Variants in SHANK1 observed in about 807,000 individuals in gnomAD.
SHANK1 encodes SH3 and multiple ankyrin repeat domains protein 1.
Under a neutral mutation model 165.6 loss-of-function variants are expected in SHANK1, and 35 were observed. The ratio of observed to expected loss-of-function variants is 0.21; its 90% confidence interval spans 0.16 to 0.28. The LOEUF (loss-of-function observed/expected upper bound fraction) is 0.28. Ranked by LOEUF, SHANK1 falls within the 10% of genes least tolerant of loss-of-function variation. The probability of loss-of-function intolerance (pLI) is 1.00; values close to 1 mark genes in which losing one functional copy is unlikely to be tolerated. For synonymous variants in SHANK1, 1,428 were observed against 1,384.8 expected, an observed-to-expected ratio of 1.03 and a Z score of -0.69; for missense variants, 2,681 against 3,036.4, an observed-to-expected ratio of 0.88 and a Z score of 2.75.
intron 8 of SHANK1, among the ~76,000 whole-genome samples, chr19:50,706,727 TAAAA>T (rs34942540): frequency 6.8e-6 from 1 of 148,102 alleles, no homozygotes; most frequent in Admixed American, 6.7e-5. Flanking sequence ...CCATCCTGTC[TAAAA>T]AAAAAACCCT....
intron 15 of SHANK1, among the ~76,000 whole-genome samples, chr19:50,695,086 C>CCCGCCG (rs768896742): frequency 9.6e-5 from 14 of 145,914 alleles, no homozygotes; most frequent in South Asian, 2.1e-4. Flanking sequence ...GCCGGCCGCC[C>CCCGCCG]CCGCCGCCGC....
intron 23 of SHANK1, among the ~76,000 whole-genome samples, chr19:50,663,358 C>T (rs73932548): frequency 0.025 from 3,745 of 152,106 alleles, 156 homozygotes; most frequent in African/African-American, 0.085. Flanking sequence ...TCATCCCTTT[C>T]GTTCCCTCCC....
Position 50,687,999 on chromosome 19 carries a change from T to G in SHANK1, c.2232A>C (p.Gln744His), listed in dbSNP as rs758601386. 6 of 1,613,992 alleles carry G rather than the reference T, an allele frequency of 3.7e-6. No individual in the cohort carries two copies. The highest frequency in any genetic ancestry group is 1.7e-5 in the Admixed American group (1 of 60,004). ...CCTTCACCATCAGCGTGTTGCCCCC[T>G]TGGCGGATCATGTTCACCACCTGTC... is the stretch of plus-strand genomic sequence containing the variant. ...GHRQVVNMIR[Q>H]GGNTLMVKVV... is the part of the protein sequence containing the mutation. Residue 744 changes from glutamine (Q) to histidine (H), a missense_variant, in exon 18 of 24, where the codon CAA becomes CAC. This residue lies in a region of SHANK1 where 147 missense variants were observed against 256.5 expected (regional missense o/e 0.57). Coordinates refer to ENST00000293441, the MANE Select transcript of SHANK1 (RefSeq NM_016148.5).
Position 50,669,255 on chromosome 19 carries a change from G to A in SHANK1, c.2705C>T (p.Ala902Val). 6.2e-7 allele frequency: 1 copy of A among 1,611,616 alleles called. No individual in the cohort carries two copies. Among genetic ancestry groups the A allele is most frequent in the African/African-American group, 1.3e-5 (1 of 74,842 alleles). ...GAAEDDRPYL[A>V]PPAMKFSRSL... ...GCGGCTGAATTTCATGGCTGGGGGT[G>A]CTAGGTAAGGTCTGTCATCTTCTGC... Residue 902 changes from alanine to valine, a missense_variant, in exon 23 of 24, where the codon GCA (alanine) becomes GTA (valine). This residue lies in a region of SHANK1 where 206 missense variants were observed against 216.0 expected (regional missense o/e 0.95). Coordinates refer to ENST00000293441, the MANE Select transcript of SHANK1 (RefSeq NM_016148.5).
rs1321141202 is a variant in SHANK1, at chr19:50,716,207, T to C, written c.459+68A>G. On this transcript the variant is annotated intron_variant, in intron 3 of 23. Transcript: ENST00000293441. This position sits in a 1 kb window ranked among gnomAD's most constrained non-coding sequence, Gnocchi z 8.4. The stretch of plus-strand genomic sequence containing the variant: ...TTAAGGTTTCGAGTGTGTTAAAAAG[T>C]GGGTGGGGGGCAGATGTGTTTTAGG... 1.4e-6 allele frequency: 2 copies of C among 1,456,096 alleles called. No homozygotes were observed. Among genetic ancestry groups the C allele is most frequent in the Non-Finnish European group, 1.9e-6 (2 of 1,042,626 alleles). 90.2% of individuals were successfully genotyped at this position (1,456,096 alleles called of 1,614,324 possible). A position where few individuals can be genotyped will look rare whatever the true frequency, so the allele number is the denominator to read the frequency against.
In SHANK1 at chr19:50,668,100, G is replaced by T; in HGVS notation, c.3860C>A (p.Ser1287Tyr). Reference sequence around the variant, plus strand: ...GGCGGAGAACATGCCCTCGTCGATGGATTTGGAGTGGCGCAGCCGCGGGCC... The same window carrying T: ...GGCGGAGAACATGCCCTCGTCGATGTATTTGGAGTGGCGCAGCCGCGGGCC... The part of the protein sequence containing the change: ...APGPRLRHSK[S>Y]IDEGMFSAEP... The change falls in exon 23 of 24, where the codon TCC becomes TAC. Residue 1287 changes from serine to tyrosine, a missense_variant. Transcript: ENST00000293441. The T allele has an allele frequency of 6.8e-7, 1 of 1,480,462 alleles. No individual in the cohort carries two copies. 91.7% of individuals were successfully genotyped at this position (1,480,462 alleles called of 1,614,324 possible). A position where few individuals can be genotyped will look rare whatever the true frequency, so the allele number is the denominator to read the frequency against.
At position 50,667,413 on chromosome 19, in the gene SHANK1, G is replaced by A. The variant is rs1243658794; in HGVS notation, c.4547C>T (p.Pro1516Leu). The A allele has an allele frequency of 1.3e-6, 2 of 1,518,054 alleles. No individual in the cohort carries two copies. The highest frequency in any genetic ancestry group is 1.8e-6 in the Non-Finnish European group (2 of 1,139,886). 94.0% of individuals were successfully genotyped at this position (1,518,054 alleles called of 1,614,324 possible). The change falls in exon 23 of 24, where the codon CCG becomes CTG. Residue 1516 changes from proline to leucine, a missense_variant. Around this residue, in one of 10 missense-constraint regions of SHANK1, gnomAD observed 1,713 missense variants for 1,630.2 expected, o/e 1.05. Transcript: ENST00000293441. This position sits in a 1 kb window ranked among gnomAD's most constrained non-coding sequence, Gnocchi z 5.7. ...GCGTGGGCTGGGCGGCGGGACCCCC[G>A]GCCCGTCCTCCGAGGGGGGACCCCT... ...SGRGPPSEDG[P>L]GVPPPSPRRS...
rs957727353 is a variant in SHANK1, at chr19:50,702,043, C to T, written c.1747+424G>A. 3.3e-5 allele frequency among the ~76,000 whole-genome samples: 5 copies of T among 152,210 alleles called. No homozygotes were observed. Among genetic ancestry groups the T allele is most frequent in the Admixed American group, 6.5e-5 (1 of 15,282 alleles). ...TGCAGGAGGCAAAGTTAAGGCTGCT[C>T]GGCCTCACGCTCTGCACCAGGTGGC... On this transcript the variant is annotated intron_variant, in intron 12 of 23. Coordinates refer to ENST00000293441, the MANE Select transcript of SHANK1 (RefSeq NM_016148.5). This position sits in a 1 kb window ranked among gnomAD's most constrained non-coding sequence, Gnocchi z 5.3.
Position 50,704,203 on chromosome 19 carries a change from GAGGCAGGTCGGCCAGGGGGGCCC to G in SHANK1, c.1156-40_1156-18del. The G allele has an allele frequency of 3.7e-6, 6 of 1,613,580 alleles. No homozygotes were observed. The highest frequency in any genetic ancestry group is 5.1e-6 in the Non-Finnish European group (6 of 1,179,762). ...CACTGCCACCTGGAGGGAGGGGGTA[GAGGCAGGTCGGCCAGGGGGGCCC>G]AGGCAGCAGAGAGAGGGCAGGGAAC... On this transcript the variant is annotated intron_variant, in intron 9 of 23. Transcript: ENST00000293441.
chr19:50,697,579 G>A lies in SHANK1; in HGVS notation c.1937+10C>T, dbSNP rs1357267141. On this transcript the variant is annotated intron_variant, in intron 14 of 23. Transcript: ENST00000293441. The surrounding 1 kb of genome is among the most constrained non-coding windows in gnomAD (Gnocchi z 4.7). Reference sequence around the variant, plus strand: ...TGAGGGGGGTTGCCCGAGGGTGTAAGGACATTTACCTTGGGGCATCAAAGC... The same window carrying A: ...TGAGGGGGGTTGCCCGAGGGTGTAAAGACATTTACCTTGGGGCATCAAAGC... 1 of 1,610,898 alleles carries A rather than the reference G, an allele frequency of 6.2e-7. No homozygotes were observed. The highest frequency in any genetic ancestry group is 1.7e-5 in the Admixed American group (1 of 60,018).
chr19:50,673,383 A>C (rs1985867681), intron 21 of SHANK1, among the ~76,000 whole-genome samples: 3 of 148,372 alleles, frequency 2.0e-5, no homozygotes, highest in East Asian at 2.0e-4. Context: ...CTCCACCCCC[A>C]CCTCTTCCTT....
intron 23 of SHANK1, chr19:50,663,114 G>C (rs1985335919): frequency 4.9e-6 from 1 of 205,022 alleles, no homozygotes; most frequent in Non-Finnish European, 9.9e-6. Flanking sequence ...CACACAGGAA[G>C]TGGCAGAGCC....
chr19:50,709,588 C>T (rs1161427198), intron 8 of SHANK1, among the ~76,000 whole-genome samples: 4 of 151,974 alleles, frequency 2.6e-5, no homozygotes, highest in Non-Finnish European at 5.9e-5. Flanking sequence ...CTCACTCTGT[C>T]ACCCAGGCTG....
At chr19:50,692,248 G>A (rs546618937) in intron 15 of SHANK1, among the ~76,000 whole-genome samples, 7 of 151,952 alleles carry the variant, frequency 4.6e-5, no homozygotes, top group East Asian at 3.9e-4. Context: ...AACACTTATC[G>A]AATTATTACT....
In SHANK1 at chr19:50,711,504, G is replaced by A; in HGVS notation, c.961-17C>T. On this transcript the variant is annotated splice_polypyrimidine_tract_variant and intron_variant, in intron 7 of 23. Transcript: ENST00000293441. The stretch of plus-strand genomic sequence containing the variant: ...CTGGCAGGCCTGGGCAGGACAGGGA[G>A]CGAGGGGCATGGATCAGACCCAGGC... 2 of 1,550,404 alleles carry A rather than the reference G, an allele frequency of 1.3e-6. No homozygotes were observed. Among genetic ancestry groups the A allele is most frequent in the Non-Finnish European group, 1.8e-6 (2 of 1,141,676 alleles).
intron 23 of SHANK1, among the ~76,000 whole-genome samples, chr19:50,665,208 T>A (rs1332855030): frequency 6.6e-6 from 1 of 152,136 alleles, no homozygotes; most frequent in Non-Finnish European, 1.5e-5. Flanking sequence ...GGAGGATCAC[T>A]TAAGCCCAGG....
chr19:50,711,575 C>A (rs567500727), intron 7 of SHANK1, 88 bp from the exon 8 acceptor site: 33 of 898,976 alleles, frequency 3.7e-5, no homozygotes, highest in Non-Finnish European at 5.5e-5. Flanking sequence ...TGTGCACTGG[C>A]CTTCTCATCC....
intron 21 of SHANK1, among the ~76,000 whole-genome samples, chr19:50,677,405 G>A (rs1019068781): frequency 6.6e-6 from 1 of 152,168 alleles, no homozygotes; most frequent in Non-Finnish European, 1.5e-5. Flanking sequence ...TGGGATTACA[G>A]GTGTGAGCCA....
chr19:50,664,400 T>A (rs901276454), intron 23 of SHANK1, among the ~76,000 whole-genome samples: 1 of 152,222 alleles, frequency 6.6e-6, no homozygotes, highest in Non-Finnish European at 1.5e-5. Flanking sequence ...AGCATCTGCA[T>A]CATCCCGTAT....
Sources: gnomAD v4.1 joint callset for allele counts (sites outside exome capture counted in the v4.1 genomes callset) on GRCh38, gnomAD v4.1.1 for gene constraint, gnomAD v4.1.1 regional missense constraint, Gnocchi (gnomAD v3.1) non-coding constraint, MANE v1.5 for transcripts, NCBI Gene and HGNC (gene_info 2026-07-23, HGNC 2026-07-21) for gene names.